ARHGAP42: variants seen among roughly 807,000 people sequenced by gnomAD.
ARHGAP42 encodes Rho GTPase activating protein 42.
ARHGAP42 carries 63 observed loss-of-function variants against 125.0 expected under a neutral mutation model. The ratio of observed to expected loss-of-function variants is 0.50; its 90% CI spans 0.41 to 0.62. The LOEUF (loss-of-function observed/expected upper bound fraction) is 0.62. Among genes scored for constraint, ARHGAP42 ranks in the 20% least tolerant of loss-of-function variants. The pLI, the probability that ARHGAP42 is intolerant of heterozygous loss-of-function variation, is 0.00. For synonymous variants in ARHGAP42, 339 were observed against 351.0 expected (o/e 0.97, Z 0.38); for missense variants, 766 against 1,024.2 (o/e 0.75, Z 3.44).
chr11:100,974,204 C>T (rs914695754), intron 18 of ARHGAP42, among the ~76,000 whole-genome samples: 1 of 152,108 alleles, frequency 6.6e-6, no homozygotes, highest in African/African-American at 2.4e-5. Context: ...TAAAAACCAT[C>T]AATATGTCTT....
chr11:100,962,677 G>C (rs1474728813), intron 16 of ARHGAP42, among the ~76,000 whole-genome samples: 6 of 152,056 alleles, frequency 3.9e-5, no homozygotes, highest in Admixed American at 3.3e-4. Context: ...GGGAGTTCGA[G>C]ACCAGCCTGA....
intron 3 of ARHGAP42, among the ~76,000 whole-genome samples, chr11:100,807,795 T>C (rs1418923504): frequency 6.6e-6 from 1 of 152,248 alleles, no homozygotes; most frequent in Non-Finnish European, 1.5e-5. Flanking sequence ...TTTGGAGTCT[T>C]GTAATTGCAC....
At chr11:100,773,900 A>G (rs1329511287) in intron 2 of ARHGAP42, among the ~76,000 whole-genome samples, 10 of 152,208 alleles carry the variant, frequency 6.6e-5, no homozygotes, top group Non-Finnish European at 1.0e-4. Flanking sequence ...ACACAAGCAG[A>G]TGTAATGTTG....
At chr11:100,914,621 A>G (rs1867015593) in intron 5 of ARHGAP42, among the ~76,000 whole-genome samples, 1 of 152,068 alleles carries the variant, frequency 6.6e-6, no homozygotes, top group African/African-American at 2.4e-5. Flanking sequence ...TGGGTAGCTC[A>G]CCCGCAGCTC....
chr11:100,849,466 C>A (rs936765546), intron 3 of ARHGAP42, among the ~76,000 whole-genome samples: 1 of 152,150 alleles, frequency 6.6e-6, no homozygotes, highest in Non-Finnish European at 1.5e-5. Context: ...GAAAGAAAAT[C>A]TTTGCAAAAT....
chr11:100,758,190 T>C (rs531820023), intron 1 of ARHGAP42, among the ~76,000 whole-genome samples: 1 of 152,322 alleles, frequency 6.6e-6, no homozygotes, highest in Admixed American at 6.5e-5. Context: ...TCCATTTAAA[T>C]TGTACTTGGG....
intron 3 of ARHGAP42, among the ~76,000 whole-genome samples, chr11:100,835,044 T>G (rs1029217845): frequency 2.6e-5 from 4 of 152,118 alleles, no homozygotes; most frequent in African/African-American, 9.7e-5. Flanking sequence ...TACATTAGAT[T>G]GCACATTTTC....
chr11:100,726,734 C>T (rs1465271589), intron 1 of ARHGAP42, among the ~76,000 whole-genome samples: 1 of 152,218 alleles, frequency 6.6e-6, no homozygotes, highest in Admixed American at 6.5e-5. Flanking sequence ...ATAATTTCAG[C>T]TCCTTGAGTG....
At chr11:100,755,257 G>A (rs1862546011) in intron 1 of ARHGAP42, among the ~76,000 whole-genome samples, 1 of 152,224 alleles carries the variant, frequency 6.6e-6, no homozygotes, top group South Asian at 2.1e-4. Context: ...AGACCTCGTA[G>A]CAACTGGTTC....
chr11:100,896,218 A>AGTCTAT, intron 4 of ARHGAP42, among the ~76,000 whole-genome samples: 1 of 150,944 alleles, frequency 6.6e-6, no homozygotes, highest in East Asian at 1.9e-4. Flanking sequence ...TATGTGTGCC[A>AGTCTAT]CATTTTCTTA....
intron 4 of ARHGAP42, among the ~76,000 whole-genome samples, chr11:100,903,093 C>A (rs948668712): frequency 1.6e-5 from 2 of 122,374 alleles, no homozygotes; most frequent in Admixed American, 1.8e-4. Flanking sequence ...TCTCTTTATT[C>A]CTCAATCTTG....
intron 4 of ARHGAP42, among the ~76,000 whole-genome samples, chr11:100,898,218 T>A (rs1337136758): frequency 2.0e-5 from 3 of 152,208 alleles, no homozygotes; most frequent in Admixed American, 6.5e-5. Flanking sequence ...ATAAGCTTTT[T>A]GATGTGCTGC....
intron 23 of ARHGAP42, among the ~76,000 whole-genome samples, chr11:100,988,503 G>T (rs1396323752): frequency 6.6e-6 from 1 of 152,094 alleles, no homozygotes. Context: ...AAGCATACAG[G>T]GGGATGTCCC....
At chr11:100,807,277 C>T (rs1490234142) in intron 3 of ARHGAP42, among the ~76,000 whole-genome samples, 1 of 151,940 alleles carries the variant, frequency 6.6e-6, no homozygotes, top group African/African-American at 2.4e-5. Flanking sequence ...CTCACTGCAA[C>T]TTCCGCCCCC....
intron 1 of ARHGAP42, among the ~76,000 whole-genome samples, chr11:100,768,573 A>G (rs556357473): frequency 1.3e-5 from 2 of 152,316 alleles, no homozygotes; most frequent in East Asian, 3.9e-4. Context: ...GGACTCAGCT[A>G]TTAGACTTGA....
intron 2 of ARHGAP42, among the ~76,000 whole-genome samples, chr11:100,785,077 G>A (rs1018108261): frequency 6.6e-6 from 1 of 152,150 alleles, no homozygotes; most frequent in African/African-American, 2.4e-5. Context: ...TGCAGACCAA[G>A]AGGAAGGAGA....
chr11:100,687,602 C>T lies in ARHGAP42; in HGVS notation c.-77C>T. On this transcript the variant is annotated 5_prime_UTR_variant, in exon 1 of 24. Transcript: ENST00000298815. ...CCCGCGATCGCGCGACCCCAGCGCC[C>T]GCCGCGGCCGCCGGCTGCCCCCGCC... The T allele has an allele frequency of 8.7e-7, 1 of 1,153,930 alleles. No homozygotes were observed. The highest frequency in any genetic ancestry group is 1.1e-6 in the Non-Finnish European group (1 of 928,924). 71.5% of individuals were successfully genotyped at this position (1,153,930 alleles called of 1,614,324 possible).
chr11:100,933,280 T>G lies in ARHGAP42; in HGVS notation c.702+20T>G. ...CAGAATGTAAGAGTATACCTGTTCT[T>G]ACTGTCTCTCAGCAAATCTGCAAAT... On this transcript the variant is annotated intron_variant, in intron 7 of 23. Coordinates refer to ENST00000298815, the MANE Select transcript of ARHGAP42 (RefSeq NM_152432.4). 1 of 1,491,096 alleles carries G rather than the reference T, an allele frequency of 6.7e-7. No individual in the cohort carries two copies. The highest frequency in any genetic ancestry group is 9.1e-7 in the Non-Finnish European group (1 of 1,103,422). 92.4% of individuals were successfully genotyped at this position (1,491,096 alleles called of 1,614,324 possible).
chr11:100,701,108 T>C (rs1488719515), intron 1 of ARHGAP42, among the ~76,000 whole-genome samples: 1 of 152,170 alleles, frequency 6.6e-6, no homozygotes, highest in East Asian at 1.9e-4. Context: ...GGTAACCAGG[T>C]ACATTGTCAA....
Sources: gnomAD v4.1 joint callset for allele counts (sites outside exome capture counted in the v4.1 genomes callset) on GRCh38, gnomAD v4.1.1 for gene constraint, MANE v1.5 for transcripts, NCBI Gene and HGNC (gene_info 2026-07-23, HGNC 2026-07-21) for gene names.